Variants in KCNH7 observed in about 807,000 individuals in gnomAD.
The protein encoded by KCNH7 is potassium voltage-gated channel subfamily H member 7.
KCNH7 carries 49 observed loss-of-function variants against 120.8 expected under a neutral mutation model. The observed-to-expected ratio is 0.41, with a 90% CI of 0.32 to 0.51. The LOEUF (loss-of-function observed/expected upper bound fraction) is 0.51. Among genes scored for constraint, KCNH7 ranks in the 20% least tolerant of loss-of-function variants. The pLI is 0.38. For synonymous variants in KCNH7, 547 were observed against 516.1 expected, an observed-to-expected ratio of 1.06 and a Z score of -0.81; for missense variants, 1,097 against 1,446.6, an observed-to-expected ratio of 0.76 and a Z score of 3.92.
At chr2:162,695,971 C>CT (rs1428925801) in intron 2 of KCNH7, among the ~76,000 whole-genome samples, 1 of 152,156 alleles carries the variant, frequency 6.6e-6, no homozygotes, top group Non-Finnish European at 1.5e-5. Context: ...TGAACCCTAA[C>CT]TATTCCTAAA....
intron 2 of KCNH7, among the ~76,000 whole-genome samples, chr2:162,574,484 C>G (rs1693601230): frequency 6.6e-6 from 1 of 151,788 alleles, no homozygotes; most frequent in African/African-American, 2.4e-5. Context: ...ATTATGGTCT[C>G]TTAATACAGT....
chr2:162,691,411 A>G (rs374746626), intron 2 of KCNH7, among the ~76,000 whole-genome samples: 3 of 152,154 alleles, frequency 2.0e-5, no homozygotes, highest in Non-Finnish European at 4.4e-5. Context: ...TATAAACTCA[A>G]TTTGAGAACT....
chr2:162,791,499 C>A (rs1434276546), intron 2 of KCNH7, among the ~76,000 whole-genome samples: 1 of 152,034 alleles, frequency 6.6e-6, no homozygotes, highest in Admixed American at 6.6e-5. Context: ...GGATCTTTAA[C>A]CTCCCTACTT....
At chr2:162,730,810 A>G (rs1687698754) in intron 2 of KCNH7, among the ~76,000 whole-genome samples, 1 of 152,092 alleles carries the variant, frequency 6.6e-6, no homozygotes, top group African/African-American at 2.4e-5. Context: ...ACATGGATAC[A>G]AAAATCTTCA....
At chr2:162,708,825 G>A (rs1210357037) in intron 2 of KCNH7, among the ~76,000 whole-genome samples, 1 of 152,018 alleles carries the variant, frequency 6.6e-6, no homozygotes, top group Non-Finnish European at 1.5e-5. Context: ...TAGAGACGGG[G>A]AAAATCAGAG....
chr2:162,512,664 G>A lies in KCNH7; in HGVS notation c.903C>T (p.Arg301=). Residue 301 remains arginine, a synonymous_variant, in exon 5 of 16, where the codon CGC becomes CGT. Transcript: ENST00000332142. ...GAGTTTGTACATTACCTTTGACATT[G>A]CGACCATTGTCTGTTTTGAGCACAT... ...RDRHASEDNG[R]NVKGPFNHIK... The A allele has an allele frequency of 6.2e-7, 1 of 1,608,528 alleles. No homozygotes were observed. Among genetic ancestry groups the A allele is most frequent in the South Asian group, 1.1e-5 (1 of 90,424 alleles).
chr2:162,630,533 A>G (rs1018731151), intron 2 of KCNH7, among the ~76,000 whole-genome samples: 2 of 152,110 alleles, frequency 1.3e-5, no homozygotes, highest in Non-Finnish European at 1.5e-5. Context: ...TTACAGCTAC[A>G]GGTGAAGACA....
At chr2:162,637,004 C>T (rs1178206977) in intron 2 of KCNH7, among the ~76,000 whole-genome samples, 1 of 152,046 alleles carries the variant, frequency 6.6e-6, no homozygotes, top group Non-Finnish European at 1.5e-5. Flanking sequence ...ATAGGAGTCC[C>T]CTTAAAGGAA....
At chr2:162,487,960 A>C (rs1176534208) in intron 6 of KCNH7, among the ~76,000 whole-genome samples, 3 of 152,202 alleles carry the variant, frequency 2.0e-5, no homozygotes, top group African/African-American at 7.2e-5. Flanking sequence ...TCTCTGATAC[A>C]TGGAATATGT....
chr2:162,679,346 T>G (rs1348911460), intron 2 of KCNH7, among the ~76,000 whole-genome samples: 1 of 151,722 alleles, frequency 6.6e-6, no homozygotes, highest in African/African-American at 2.4e-5. Flanking sequence ...TAGGCTTATA[T>G]GTTTGTGTGT....
intron 6 of KCNH7, among the ~76,000 whole-genome samples, chr2:162,480,413 T>A (rs1324790638): frequency 6.6e-6 from 1 of 152,130 alleles, no homozygotes; most frequent in African/African-American, 2.4e-5. Flanking sequence ...GGTGAACTTG[T>A]GGGAAATTTG....
chr2:162,429,620 G>C (rs2105507299), intron 8 of KCNH7, among the ~76,000 whole-genome samples: 1 of 151,442 alleles, frequency 6.6e-6, no homozygotes, highest in Admixed American at 6.6e-5. Flanking sequence ...TAACGATTTT[G>C]TTCCATTGTC....
chr2:162,835,015 G>A (rs1201322925), intron 2 of KCNH7, among the ~76,000 whole-genome samples: 3 of 151,968 alleles, frequency 2.0e-5, no homozygotes, highest in Non-Finnish European at 2.9e-5. Flanking sequence ...TATTCCAAAC[G>A]TCCAGATTGT....
chr2:162,665,128 C>A (rs1197022368), intron 2 of KCNH7, among the ~76,000 whole-genome samples: 1 of 152,060 alleles, frequency 6.6e-6, no homozygotes, highest in African/African-American at 2.4e-5. Context: ...ATTTTGCTCA[C>A]AATTTTGATA....
At chr2:162,646,183 C>T (rs1684353090) in intron 2 of KCNH7, among the ~76,000 whole-genome samples, 2 of 152,178 alleles carry the variant, frequency 1.3e-5, no homozygotes, top group South Asian at 4.1e-4. Flanking sequence ...TATGTTTTAT[C>T]TGTATATATT....
chr2:162,473,768 G>A (rs746217679), intron 6 of KCNH7, among the ~76,000 whole-genome samples: 74 of 152,208 alleles, frequency 4.9e-4, no homozygotes, highest in Non-Finnish European at 1.0e-3. Context: ...CACCATGATA[G>A]AGTTATACAT....
At chr2:162,820,970 C>T (rs618100) in intron 2 of KCNH7, among the ~76,000 whole-genome samples, 3,212 of 152,200 alleles carry the variant, frequency 0.021, 111 homozygotes, top group African/African-American at 0.074. Flanking sequence ...TTAATGCTAG[C>T]AGCCCCAGCT....
intron 2 of KCNH7, among the ~76,000 whole-genome samples, chr2:162,791,238 G>T (rs1401069519): frequency 6.6e-6 from 1 of 152,034 alleles, no homozygotes; most frequent in Non-Finnish European, 1.5e-5. Context: ...TTTTGCTTAG[G>T]ATTGCCTTGT....
intron 2 of KCNH7, among the ~76,000 whole-genome samples, chr2:162,594,935 A>G (rs1052773014): frequency 1.3e-5 from 2 of 152,044 alleles, no homozygotes; most frequent in Admixed American, 1.3e-4. Flanking sequence ...TAGTAAAAAG[A>G]TCATTCACCA....
Sources: allele counts gnomAD v4.1 joint callset (sites outside exome capture counted in the v4.1 genomes callset), GRCh38; gene constraint gnomAD v4.1.1; transcripts MANE v1.5; gene names NCBI Gene and HGNC (gene_info 2026-07-23, HGNC 2026-07-21).